The following YWHAE variants were observed in gnomAD, a reference collection of about 807,000 sequenced individuals.
YWHAE encodes tyrosine 3-monooxygenase/tryptophan 5-monooxygenase activation protein epsilon.
Under a neutral mutation model 30.1 loss-of-function variants are expected in YWHAE, and 4 were observed. The ratio of observed to expected loss-of-function variants is 0.13; its 90% confidence interval spans 0.07 to 0.30. YWHAE has a LOEUF of 0.30. Ranked by LOEUF, YWHAE falls within the 10% of genes least tolerant of loss-of-function variation. The pLI is 1.00. For synonymous variants in YWHAE, 118 were observed against 111.8 expected (o/e 1.06, Z -0.35); for missense variants, 121 against 315.9 (o/e 0.38, Z 4.68).
At chr17:1,383,544 A>T (rs2073249827) in intron 1 of YWHAE, among the ~76,000 whole-genome samples, 1 of 137,000 alleles carries the variant, frequency 7.3e-6, no homozygotes, top group Non-Finnish European at 1.6e-5. Flanking sequence ...ACGTGCCACC[A>T]CGCCCGGCAA....
chr17:1,379,865 C>G (rs1222316291), intron 1 of YWHAE, among the ~76,000 whole-genome samples: 1 of 152,184 alleles, frequency 6.6e-6, no homozygotes, highest in Non-Finnish European at 1.5e-5. Flanking sequence ...GTAAATTATA[C>G]TTTGTGTTCA....
At chr17:1,359,545 C>T (rs1372833520) in intron 4 of YWHAE, among the ~76,000 whole-genome samples, 1 of 151,902 alleles carries the variant, frequency 6.6e-6, no homozygotes, top group African/African-American at 2.4e-5. Context: ...CTGATCCATG[C>T]TTTTACATGG....
chr17:1,396,000 C>A (rs1184447122), intron 1 of YWHAE, among the ~76,000 whole-genome samples: 1 of 152,010 alleles, frequency 6.6e-6, no homozygotes, highest in African/African-American at 2.4e-5. Flanking sequence ...TGCCTGTAAT[C>A]CCAGCTACTC....
intron 1 of YWHAE, among the ~76,000 whole-genome samples, chr17:1,397,732 C>T (rs2073496105): frequency 6.6e-6 from 1 of 152,124 alleles, no homozygotes; most frequent in Non-Finnish European, 1.5e-5. Context: ...AAATACCGCA[C>T]TCAATAAAGG....
chr17:1,355,688 T>C (rs1191284346), intron 4 of YWHAE, among the ~76,000 whole-genome samples: 1 of 152,004 alleles, frequency 6.6e-6, no homozygotes, highest in Non-Finnish European at 1.5e-5. Context: ...ATAATCTAAG[T>C]CCACATCAAC....
At chr17:1,376,126 G>A (rs2073118066) in intron 1 of YWHAE, among the ~76,000 whole-genome samples, 1 of 152,216 alleles carries the variant, frequency 6.6e-6, no homozygotes, top group South Asian at 2.1e-4. Context: ...AATCTGACTT[G>A]AGTTGTGCTT....
At chr17:1,356,683 G>A (rs984273820) in intron 4 of YWHAE, among the ~76,000 whole-genome samples, 1 of 152,134 alleles carries the variant, frequency 6.6e-6, no homozygotes, top group Non-Finnish European at 1.5e-5. Context: ...CATTGGCTGG[G>A]CGCAGTGGCT....
chr17:1,375,791 CA>C lies in YWHAE; in HGVS notation c.65-10734del, dbSNP rs1225207633. Among the ~76,000 whole-genome samples, 7 of 152,328 alleles carry C rather than the reference CA, an allele frequency of 4.6e-5. No individual in the cohort carries two copies. The South Asian group carries it at 1.4e-3, about 32-fold the overall frequency. ...TCATCTGCTGCTGCCAGTAGAGTCA[CA>C]AGTTTTTCCCCTTGACTTGTTAACT... On this transcript the variant is annotated intron_variant, in intron 1 of 5. Transcript: ENST00000264335.
At chr17:1,399,220 G>A (rs2073524598) in intron 1 of YWHAE, 1 of 152,078 alleles carries the variant, frequency 6.6e-6, no homozygotes, top group African/African-American at 2.4e-5. Context: ...CACGGGTGAT[G>A]GAGCCAGAGA....
intron 5 of YWHAE, among the ~76,000 whole-genome samples, chr17:1,353,044 C>G (rs748468235): frequency 6.6e-6 from 1 of 152,154 alleles, no homozygotes; most frequent in Non-Finnish European, 1.5e-5. Context: ...ACAAACATAA[C>G]AAATTTGGGC....
intron 5 of YWHAE, among the ~76,000 whole-genome samples, chr17:1,346,347 T>TA (rs1055110582): frequency 1.5e-4 from 23 of 152,136 alleles, no homozygotes; most frequent in Non-Finnish European, 1.6e-4. Flanking sequence ...TGTACTTTTT[T>TA]AAAAAAACCA....
chr17:1,361,330 A>G (rs574365817), intron 3 of YWHAE, 32 bp from the exon 4 acceptor site: 1 of 1,548,070 alleles, frequency 6.5e-7, no homozygotes, highest in East Asian at 2.3e-5. Flanking sequence ...AAAAAAAAAA[A>G]AAATTTAAAC....
intron 1 of YWHAE, 53 bp from the exon 2 acceptor site, chr17:1,365,111 T>G: frequency 6.4e-7 from 1 of 1,555,640 alleles, no homozygotes; most frequent in Non-Finnish European, 8.7e-7. Context: ...TTTCTTAACA[T>G]ATTCCTTTCA....
At chr17:1,357,158 C>G (rs1399220317) in intron 4 of YWHAE, among the ~76,000 whole-genome samples, 1 of 151,024 alleles carries the variant, frequency 6.6e-6, no homozygotes, top group Non-Finnish European at 1.5e-5. Context: ...AATCCCAGCA[C>G]TTTGGGAGGC....
chr17:1,387,924 C>CTT (rs35930155), intron 1 of YWHAE, among the ~76,000 whole-genome samples: 34,617 of 75,592 alleles, frequency 0.46, 10,186 homozygotes, highest in African/African-American at 0.68. Context: ...CTGCACCTGG[C>CTT]TTTTTTTTTT....
intron 1 of YWHAE, among the ~76,000 whole-genome samples, chr17:1,392,613 G>A (rs951590112): frequency 1.3e-5 from 2 of 152,082 alleles, no homozygotes; most frequent in African/African-American, 4.8e-5. Flanking sequence ...ATTTTGGGAG[G>A]CTGAGGCAGG....
At chr17:1,355,815 G>C (rs896132786) in intron 4 of YWHAE, among the ~76,000 whole-genome samples, 2 of 152,130 alleles carry the variant, frequency 1.3e-5, no homozygotes, top group Non-Finnish European at 2.9e-5. Context: ...CGTGCGCGCA[G>C]ATCACTTGAG....
chr17:1,355,123 A>C (rs1432973188), intron 4 of YWHAE, among the ~76,000 whole-genome samples: 351 of 32,252 alleles, frequency 0.011, 2 homozygotes, highest in Non-Finnish European at 0.015. Flanking sequence ...TTTTAAAAAA[A>C]AAAAAAAAAA....
intron 4 of YWHAE, among the ~76,000 whole-genome samples, chr17:1,355,172 T>TTG (rs2072718671): frequency 2.8e-5 from 1 of 36,106 alleles, no homozygotes; most frequent in African/African-American, 1.4e-4. Flanking sequence ...TTTTTTTTTT[T>TTG]GGGGGACGGG....
Sources: allele counts gnomAD v4.1 joint callset (sites outside exome capture counted in the v4.1 genomes callset), GRCh38; gene constraint gnomAD v4.1.1; transcripts MANE v1.5; gene names NCBI Gene and HGNC (gene_info 2026-07-23, HGNC 2026-07-21).